STXBP4: variants seen among roughly 807,000 people sequenced by gnomAD.
STXBP4 encodes syntaxin-binding protein 4.
In STXBP4, 55 loss-of-function variants were observed where a neutral mutation model predicts 76.1. The observed-to-expected ratio is 0.72, with a 90% CI of 0.58 to 0.91. The LOEUF is 0.91. Among genes scored for constraint, STXBP4 ranks in the 40% least tolerant of loss-of-function variants. The pLI is 0.00. For missense variants in STXBP4, 618 were observed against 636.9 expected (o/e 0.97, Z 0.32); for synonymous variants, 201 against 220.2 (o/e 0.91, Z 0.77).
intron 8 of STXBP4, among the ~76,000 whole-genome samples, chr17:55,030,340 T>C (rs1000623710): frequency 1.1e-4 from 17 of 152,168 alleles, no homozygotes; most frequent in African/African-American, 4.1e-4. Flanking sequence ...TTCCTCTTTC[T>C]TTCCCCTTAC....
intron 1 of STXBP4, among the ~76,000 whole-genome samples, chr17:54,974,772 C>T (rs1173091661): frequency 3.9e-5 from 6 of 152,236 alleles, no homozygotes; most frequent in Non-Finnish European, 8.8e-5. Context: ...AGCAGAGAGA[C>T]TGCTTCTTGC....
At chr17:54,986,661 T>C (rs2077630976) in intron 3 of STXBP4, among the ~76,000 whole-genome samples, 1 of 152,176 alleles carries the variant, frequency 6.6e-6, no homozygotes, top group South Asian at 2.1e-4. Flanking sequence ...AATTGTCAAA[T>C]ACATTTTTAA....
At chr17:55,207,576 C>T in the STXBP4 span, among the ~76,000 whole-genome samples, 1 of 152,210 alleles carries the variant, frequency 6.6e-6, no homozygotes, top group Non-Finnish European at 1.5e-5. Context: ...GATTTCTAGT[C>T]TACTTTTACT....
intron 12 of STXBP4, among the ~76,000 whole-genome samples, chr17:55,052,280 C>T (rs918686327): frequency 1.3e-5 from 2 of 152,126 alleles, no homozygotes; most frequent in Non-Finnish European, 2.9e-5. Flanking sequence ...ATGACAGGGG[C>T]ATATCACAGG....
chr17:55,075,601 T>G (rs2079172557), intron 13 of STXBP4, among the ~76,000 whole-genome samples: 1 of 152,144 alleles, frequency 6.6e-6, no homozygotes, highest in Admixed American at 6.6e-5. Context: ...TACTTGTGCT[T>G]GAAAGTGTTT....
chr17:55,184,821 A>T, the STXBP4 span, among the ~76,000 whole-genome samples: 1 of 152,182 alleles, frequency 6.6e-6, no homozygotes, highest in African/African-American at 2.4e-5. Flanking sequence ...AGATGGTATT[A>T]TTGTACTAAT....
chr17:54,999,303 A>T (rs1231064023), intron 4 of STXBP4, 42 bp from the exon 5 acceptor site: 8 of 1,463,928 alleles, frequency 5.5e-6, no homozygotes, highest in Non-Finnish European at 5.6e-6. Flanking sequence ...TTTTTTTTAA[A>T]TACCTCATTA....
intron 16 of STXBP4, among the ~76,000 whole-genome samples, chr17:55,118,395 G>C (rs529080095): frequency 2.0e-5 from 3 of 152,060 alleles, no homozygotes; most frequent in African/African-American, 7.2e-5. Flanking sequence ...AAGGAGGCCA[G>C]AACAGATTTA....
At chr17:55,007,405 A>T in intron 7 of STXBP4, 101 bp from the exon 8 acceptor site, 1 of 821,414 alleles carries the variant, frequency 1.2e-6, no homozygotes, top group Non-Finnish European at 2.0e-6. Flanking sequence ...CTGATTAGCT[A>T]GAATTATTTT....
chr17:54,988,158 G>A (rs1382859144), intron 3 of STXBP4, among the ~76,000 whole-genome samples: 1 of 152,074 alleles, frequency 6.6e-6, no homozygotes, highest in African/African-American at 2.4e-5. Flanking sequence ...GATCTAAAAT[G>A]GTTTAAGTAG....
At chr17:55,009,751 A>G (rs1035712347) in intron 8 of STXBP4, among the ~76,000 whole-genome samples, 1 of 152,054 alleles carries the variant, frequency 6.6e-6, no homozygotes, top group Non-Finnish European at 1.5e-5. Flanking sequence ...GTTTGAAACT[A>G]TATTTCTCTT....
At chr17:55,076,175 C>T (rs978182286) in intron 13 of STXBP4, among the ~76,000 whole-genome samples, 1 of 152,144 alleles carries the variant, frequency 6.6e-6, no homozygotes, top group African/African-American at 2.4e-5. Flanking sequence ...TCCCTCCTGA[C>T]TTAATTTCCA....
chr17:55,139,429 C>T (rs1451090974), intron 16 of STXBP4, among the ~76,000 whole-genome samples: 19 of 152,120 alleles, frequency 1.2e-4, no homozygotes, highest in Non-Finnish European at 4.4e-5. Context: ...TAACTTTTAG[C>T]TGCCTTTGTC....
the STXBP4 span, among the ~76,000 whole-genome samples, chr17:55,186,391 TTATA>T: frequency 6.6e-6 from 1 of 152,346 alleles, no homozygotes; most frequent in Middle Eastern, 3.4e-3. Flanking sequence ...AATAGCCTCA[TTATA>T]TATTAATACT....
chr17:55,058,437 C>G (rs80322088), intron 12 of STXBP4, among the ~76,000 whole-genome samples: 1 of 152,230 alleles, frequency 6.6e-6, no homozygotes, highest in African/African-American at 2.4e-5. Flanking sequence ...AGCTGGAGCA[C>G]CATTTATCAT....
At chr17:55,137,758 A>C (rs1056142222) in intron 16 of STXBP4, among the ~76,000 whole-genome samples, 5 of 152,128 alleles carry the variant, frequency 3.3e-5, no homozygotes, top group African/African-American at 1.2e-4. Flanking sequence ...CACTCAATAA[A>C]TGTTAACTCA....
chr17:55,060,739 G>A (rs931232317), intron 12 of STXBP4, among the ~76,000 whole-genome samples: 1 of 152,122 alleles, frequency 6.6e-6, no homozygotes, highest in African/African-American at 2.4e-5. Flanking sequence ...AAAATCATGA[G>A]CACAATTTCC....
chr17:55,000,909 C>T (rs2077902652), intron 7 of STXBP4, 26 bp downstream of exon 7: 2 of 1,450,098 alleles, frequency 1.4e-6, no homozygotes, highest in Non-Finnish European at 1.9e-6. Context: ...ATTTCTATTT[C>T]CTGTTTTTTA....
rs2078742155 is a variant in STXBP4 at position 55,043,695 on chromosome 17, T to C, written c.945+370T>C. On this transcript the variant is annotated intron_variant, in intron 11 of 17. Coordinates refer to ENST00000376352, the MANE Select transcript of STXBP4 (RefSeq NM_178509.6). ...TGTGAGTTCTTTGGGAAATACATTTTTTTTCATGTGCAGGGCTATTCTTAA... is the reference window on the plus strand; with the variant it reads ...TGTGAGTTCTTTGGGAAATACATTTCTTTTCATGTGCAGGGCTATTCTTAA... 2.6e-6 allele frequency: 4 copies of C among 1,532,690 alleles called. No individual in the cohort carries two copies. In the East Asian group the frequency reaches 7.4e-5, roughly 28 times the overall value. The allele number at this position is 1,532,690 out of a possible 1,614,324, so 94.9% of individuals were successfully genotyped here.
Sources: allele counts gnomAD v4.1 joint callset (sites outside exome capture counted in the v4.1 genomes callset), GRCh38; gene constraint gnomAD v4.1.1; transcripts MANE v1.5; gene names NCBI Gene and HGNC (gene_info 2026-07-23, HGNC 2026-07-21).